The following ARNT2 variants were observed in gnomAD, a reference collection of about 807,000 sequenced individuals.
The protein encoded by ARNT2 is aryl hydrocarbon receptor nuclear translocator 2, also known as ARNT protein 2.
A neutral mutation model predicts 91.7 loss-of-function variants in ARNT2; 36 were observed. The ratio of observed to expected loss-of-function variants is 0.39; its 90% confidence interval spans 0.30 to 0.52. The LOEUF (loss-of-function observed/expected upper bound fraction) is 0.52, where lower values mean the gene tolerates loss of function less well. Among genes scored for constraint, ARNT2 ranks in the 20% least tolerant of loss-of-function variants. ARNT2 has a pLI of 0.72. For missense variants in ARNT2, 775 were observed against 939.3 expected (o/e 0.83, Z 2.29); for synonymous variants, 365 against 347.1 (o/e 1.05, Z -0.57).
intron 1 of ARNT2, among the ~76,000 whole-genome samples, chr15:80,425,725 T>TG (rs536234835): frequency 1.7e-3 from 262 of 152,126 alleles, no homozygotes; most frequent in African/African-American, 6.1e-3. Context: ...GTGTTTTTTT[T>TG]TTGTTGTTTG....
At chr15:80,433,233 A>ATTTAT (rs1321371343) in intron 1 of ARNT2, among the ~76,000 whole-genome samples, 1,996 of 95,382 alleles carry the variant, frequency 0.021, 56 homozygotes, top group Middle Eastern at 0.044. Context: ...ACTATATTTT[A>ATTTAT]TTTATTTTAT....
intron 5 of ARNT2, among the ~76,000 whole-genome samples, chr15:80,498,671 C>G (rs892328503): frequency 6.6e-6 from 1 of 152,128 alleles, no homozygotes; most frequent in Non-Finnish European, 1.5e-5. Context: ...CCAAAGTTCT[C>G]TACTAAACCA....
intron 1 of ARNT2, among the ~76,000 whole-genome samples, chr15:80,440,904 A>G (rs1444971958): frequency 6.6e-6 from 1 of 152,232 alleles, no homozygotes; most frequent in Non-Finnish European, 1.5e-5. Context: ...TCTGATTCTC[A>G]GTCTAATGAT....
Position 80,452,838 on chromosome 15 carries a change from C to T in ARNT2, c.146+1844C>T, listed in dbSNP as rs147215084. ...GGCTGCGGTGAGCCGAGGCTGCTTCCCTCCTCGGCCTCCATGTTTCTGACC... is the reference window on the plus strand; with the variant it reads ...GGCTGCGGTGAGCCGAGGCTGCTTCTCTCCTCGGCCTCCATGTTTCTGACC... On this transcript the variant is annotated intron_variant, in intron 2 of 18. Transcript: ENST00000303329. Among the ~76,000 whole-genome samples the T allele has an allele frequency of 3.2e-3, 492 of 152,330 alleles. 3 individuals carry two copies. The highest frequency in any genetic ancestry group is 0.011 in the African/African-American group (461 of 41,578).
At chr15:80,542,923 C>A (rs1396806680) in intron 8 of ARNT2, among the ~76,000 whole-genome samples, 1 of 151,692 alleles carries the variant, frequency 6.6e-6, no homozygotes, top group East Asian at 1.9e-4. Flanking sequence ...CATGGTGAAA[C>A]CCCATCTCAA....
In ARNT2 at chr15:80,591,748, C is replaced by G. The variant is rs1337875207; in HGVS notation, c.2055+44C>G. The G allele has an allele frequency of 6.2e-7, 1 of 1,608,676 alleles. No homozygotes were observed. Among genetic ancestry groups the G allele is most frequent in the African/African-American group, 1.3e-5 (1 of 74,832 alleles). On this transcript the variant is annotated intron_variant, in intron 18 of 18. Transcript: ENST00000303329. The surrounding 1 kb of genome is among the most constrained non-coding windows in gnomAD (Gnocchi z 5.1). ...GCCTTCTCGTAGGTACCGGCGCCTT[C>G]TCTCTGCTTCCTTTCCCCCTCGGTC...
At chr15:80,456,024 C>A (rs56387128) in intron 2 of ARNT2, among the ~76,000 whole-genome samples, 9,929 of 152,076 alleles carry the variant, frequency 0.065, 432 homozygotes, top group African/African-American at 0.11. Context: ...TGCAGAACAC[C>A]GGGTGAATTT....
rs117527331 is a variant in ARNT2 at position 80,424,857 on chromosome 15, G to A, written c.31+20311G>A. ...AGGCTTCCGGCAGGAATTGAAACCCGGAATCTTTGTTTTGAAGACAGTAAA... is the reference window on the plus strand; with the variant it reads ...AGGCTTCCGGCAGGAATTGAAACCCAGAATCTTTGTTTTGAAGACAGTAAA... On this transcript the variant is annotated intron_variant, in intron 1 of 18. Coordinates refer to ENST00000303329, the MANE Select transcript of ARNT2 (RefSeq NM_014862.4). Among the ~76,000 whole-genome samples the A allele has an allele frequency of 1.8e-4, 27 of 152,090 alleles. No homozygotes were observed. The East Asian group carries it at 5.0e-3, about 28-fold the overall frequency.
Position 80,451,003 on chromosome 15 carries a change from C to T in ARNT2, c.146+9C>T. On this transcript the variant is annotated intron_variant, in intron 2 of 18. Transcript: ENST00000303329. Reference sequence around the variant, plus strand: ...GGAAAGCGGCGTTCCGGGTAAGCGACCTCAGCGTTTCCAGGAATTGGCTTA... The same window carrying T: ...GGAAAGCGGCGTTCCGGGTAAGCGATCTCAGCGTTTCCAGGAATTGGCTTA... 6.2e-7 allele frequency: 1 copy of T among 1,611,190 alleles called. No homozygotes were observed. Among genetic ancestry groups the T allele is most frequent in the Non-Finnish European group, 8.5e-7 (1 of 1,178,250 alleles).
At chr15:80,473,371 T>G (rs1896759841) in intron 4 of ARNT2, among the ~76,000 whole-genome samples, 1 of 152,140 alleles carries the variant, frequency 6.6e-6, no homozygotes, top group Non-Finnish European at 1.5e-5. Context: ...CTTCATCCCA[T>G]AAGACCTCCC....
intron 3 of ARNT2, among the ~76,000 whole-genome samples, chr15:80,460,907 G>A (rs1896542833): frequency 6.6e-6 from 1 of 152,152 alleles, no homozygotes; most frequent in South Asian, 2.1e-4. Flanking sequence ...AGAGAGCTCT[G>A]CCCCACAGAA....
Position 80,555,140 on chromosome 15 carries a change from G to A in ARNT2, c.1164+1G>A, listed in dbSNP as rs1161569935. ...CCATCTGCGTGAGAGCTTCCAGCAG[G>A]TACATACTGCCAGTACCCACTTAAA... is the stretch of plus-strand genomic sequence containing the variant. On this transcript the variant is annotated splice_donor_variant, in intron 11 of 18. Transcript: ENST00000303329. LOFTEE classifies it high-confidence loss of function. 1.9e-6 allele frequency: 3 copies of A among 1,613,986 alleles called. No individual in the cohort carries two copies. The highest frequency in any genetic ancestry group is 1.1e-5 in the South Asian group (1 of 91,066).
intron 8 of ARNT2, among the ~76,000 whole-genome samples, chr15:80,546,870 G>C (rs1218799337): frequency 2.6e-5 from 4 of 152,066 alleles, no homozygotes; most frequent in Non-Finnish European, 4.4e-5. Context: ...GGCTGAGGCA[G>C]GAGAATCGCT....
intron 8 of ARNT2, among the ~76,000 whole-genome samples, chr15:80,536,215 C>G (rs1246826784): frequency 6.6e-6 from 1 of 152,210 alleles, no homozygotes; most frequent in East Asian, 1.9e-4. Context: ...GAACAGTTCT[C>G]TCTCCTGTGA....
intron 8 of ARNT2, among the ~76,000 whole-genome samples, chr15:80,521,256 G>A (rs571780745): frequency 5.6e-4 from 85 of 152,154 alleles, no homozygotes; most frequent in Middle Eastern, 6.8e-3. Context: ...CTCCAAGAGC[G>A]TGTTTATGTA....
At chr15:80,549,352 TAAA>T (rs1330638866) in intron 8 of ARNT2, among the ~76,000 whole-genome samples, 1 of 152,032 alleles carries the variant, frequency 6.6e-6, no homozygotes, top group African/African-American at 2.4e-5. Context: ...ACTCCAGAGG[TAAA>T]AAAAGGTTGA....
chr15:80,523,546 T>G (rs1353207282), intron 8 of ARNT2, among the ~76,000 whole-genome samples: 1 of 152,202 alleles, frequency 6.6e-6, no homozygotes, highest in Non-Finnish European at 1.5e-5. Context: ...TCTTGATGCT[T>G]TCTTCACTTG....
At chr15:80,568,179 C>T (rs1255514017) in intron 12 of ARNT2, among the ~76,000 whole-genome samples, 2 of 152,222 alleles carry the variant, frequency 1.3e-5, no homozygotes, top group African/African-American at 2.4e-5. Flanking sequence ...ACTGATTTAA[C>T]GTGCTGGTCA....
chr15:80,555,083 A>G lies in ARNT2; in HGVS notation c.1108A>G (p.Ile370Val). 1.9e-6 allele frequency: 3 copies of G among 1,614,230 alleles called. No homozygotes were observed. Among genetic ancestry groups the G allele is most frequent in the Non-Finnish European group, 2.5e-6 (3 of 1,180,026 alleles). ...TATTTAGGATCTTCTGGGAAAGGAC[A>G]TTTTGGAATTCTGCCACCCTGAGGA... ...YQPQDLLGKD[I>V]LEFCHPEDQS... The change falls in exon 11 of 19, where the codon ATT (isoleucine) becomes GTT (valine). Residue 370 changes from isoleucine (I) to valine (V), a missense_variant. Ile to Val is a conservative substitution (Grantham distance 29, BLOSUM62 3). Transcript: ENST00000303329.
Sources: gnomAD v4.1 joint callset for allele counts (sites outside exome capture counted in the v4.1 genomes callset) on GRCh38, gnomAD v4.1.1 for gene constraint, Gnocchi (gnomAD v3.1) non-coding constraint, MANE v1.5 for transcripts, NCBI Gene and HGNC (gene_info 2026-07-23, HGNC 2026-07-21) for gene names.